STS: variants seen among roughly 807,000 people sequenced by gnomAD.
STS encodes steryl-sulfatase.
A neutral mutation model predicts 26.8 loss-of-function variants in STS; 7 were observed. That is an observed-to-expected ratio of 0.26 (90% confidence interval 0.15 to 0.49). The LOEUF is 0.49. Among genes scored for constraint, STS ranks in the 20% least tolerant of loss-of-function variants. The pLI, the probability that STS is intolerant of heterozygous loss-of-function variation, is 0.98. For synonymous variants in STS, 199 were observed against 189.4 expected, an observed-to-expected ratio of 1.05 and a Z score of -0.42; for missense variants, 434 against 465.6, an observed-to-expected ratio of 0.93 and a Z score of 0.63.
At position 7,351,904 on chromosome X, in the gene STS, C is replaced by A; in HGVS notation, c.*1643C>A. ...TTCCCCAGTTGCCCTTTAAGTTCTT[C>A]TATTTCAAACGTTAATTTTGCTTCT... is the stretch of plus-strand genomic sequence containing the variant. On this transcript the variant is annotated 3_prime_UTR_variant, in exon 11 of 11. Coordinates refer to ENST00000674429, the MANE Select transcript of STS (RefSeq NM_001320752.2). 9.9e-6 allele frequency: 1 copy of A among 101,168 alleles called. No individual in the cohort carries two copies. The highest frequency in any genetic ancestry group is 4.6e-4 in the South Asian group (1 of 2,159). The allele number at this position is 101,168 out of a possible 1,213,427, so 8.3% of individuals were successfully genotyped here.
chrX:7,300,064 G>T (rs1313093766), intron 7 of STS, among the ~76,000 whole-genome samples: 6 of 111,668 alleles, frequency 5.4e-5, no homozygotes, highest in African/African-American at 2.0e-4. Context: ...TAGAATTTAG[G>T]CTTCCTCTGC....
intron 8 of STS, among the ~76,000 whole-genome samples, chrX:7,313,874 A>G (rs1204659086): frequency 3.6e-5 from 4 of 112,121 alleles, no homozygotes; most frequent in African/African-American, 1.3e-4. Context: ...ATGTACTGGT[A>G]AGGGAACTGT....
intron 1 of STS, chrX:7,148,334 C>G (rs779703703): frequency 1.0e-3 from 260 of 254,025 alleles, no homozygotes; most frequent in Admixed American, 2.6e-3. Flanking sequence ...GCTGCAGACC[C>G]GGGATGCGGC....
intron 6 of STS, among the ~76,000 whole-genome samples, chrX:7,275,220 G>A (rs1924471334): frequency 9.0e-6 from 1 of 111,520 alleles, no homozygotes. Flanking sequence ...GTTTGGGGAT[G>A]TATTGCATTA....
chrX:7,261,002 G>T (rs762435502), intron 6 of STS, among the ~76,000 whole-genome samples: 5 of 110,497 alleles, frequency 4.5e-5, no homozygotes, highest in African/African-American at 1.3e-4. Flanking sequence ...ACATAGGTAG[G>T]TATAATATAT....
At chrX:7,203,680 A>G (rs1934117113) in intron 2 of STS, among the ~76,000 whole-genome samples, 1 of 111,761 alleles carries the variant, frequency 8.9e-6, no homozygotes. Flanking sequence ...GCTCCCTGCA[A>G]ACTAATCCCA....
chrX:7,350,796 G>T lies in STS; in HGVS notation c.*535G>T. The stretch of plus-strand genomic sequence containing the variant: ...ATCTTCTTTAGGAATAATAGATGAT[G>T]GTAAGTTCCACTTTGGTTATTGGAA... On this transcript the variant is annotated 3_prime_UTR_variant, in exon 11 of 11. Coordinates refer to ENST00000674429, the MANE Select transcript of STS (RefSeq NM_001320752.2). 1 of 116,209 alleles carries T rather than the reference G, an allele frequency of 8.6e-6. No homozygotes were observed. Among genetic ancestry groups the T allele is most frequent in the Non-Finnish European group, 1.8e-5 (1 of 55,180 alleles). The allele number at this position is 116,209 out of a possible 1,213,427, so 9.6% of individuals were successfully genotyped here.
At chrX:7,228,456 T>C (rs1028149622) in intron 2 of STS, among the ~76,000 whole-genome samples, 6 of 112,051 alleles carry the variant, frequency 5.4e-5, no homozygotes, top group Non-Finnish European at 1.1e-4. Context: ...TGTGTGGGTT[T>C]GAGTTGCATT....
chrX:7,334,271 C>T (rs1356809201), intron 10 of STS, among the ~76,000 whole-genome samples, 164 bp downstream of exon 10: 2 of 111,370 alleles, frequency 1.8e-5, no homozygotes, highest in Non-Finnish European at 3.8e-5. Flanking sequence ...CTCCTCCTCT[C>T]TTTTCGTTCT....
intron 2 of STS, among the ~76,000 whole-genome samples, chrX:7,194,870 A>C (rs1292889657): frequency 1.1e-4 from 12 of 111,631 alleles, no homozygotes; most frequent in Non-Finnish European, 1.7e-4. Flanking sequence ...AATAGAGTAT[A>C]CTCACACAAA....
intron 2 of STS, among the ~76,000 whole-genome samples, chrX:7,225,680 G>A (rs1385254999): frequency 2.7e-5 from 3 of 111,796 alleles, no homozygotes; most frequent in African/African-American, 9.8e-5. Context: ...GGCAGAGTGA[G>A]CCATTCTTGT....
intron 6 of STS, among the ~76,000 whole-genome samples, chrX:7,274,672 C>T (rs1924445077): frequency 8.9e-6 from 1 of 112,160 alleles, no homozygotes; most frequent in South Asian, 3.7e-4. Context: ...TGACTTATAA[C>T]TCTTGAGTAT....
At chrX:7,257,169 G>C in intron 3 of STS, 73 bp from the exon 4 acceptor site, 2 of 1,174,400 alleles carry the variant, frequency 1.7e-6, no homozygotes, top group Middle Eastern at 3.3e-4. Context: ...GACAGAGTGA[G>C]ATCCTGTCTC....
rs1324628395 is a variant in STS, at chrX:7,349,754, A to G, written c.1364-134A>G. The G allele has an allele frequency of 2.3e-5, 21 of 907,052 alleles. No individual in the cohort carries two copies. In the African/African-American group the frequency reaches 4.1e-4, roughly 18 times the overall value. 74.8% of individuals were successfully genotyped at this position (907,052 alleles called of 1,213,427 possible). ...CATAATCTTTCCTGTACATATTAAC[A>G]TTGTGTCTGCAGCCTTATGATATCT... On this transcript the variant is annotated intron_variant, in intron 10 of 10. Coordinates refer to ENST00000674429, the MANE Select transcript of STS (RefSeq NM_001320752.2).
chrX:7,343,825 A>G (rs1325520769), intron 10 of STS, among the ~76,000 whole-genome samples: 2 of 112,212 alleles, frequency 1.8e-5, no homozygotes, highest in African/African-American at 6.5e-5. Context: ...AAGAAAGGCA[A>G]ATGCTCTTTT....
chrX:7,205,885 G>C (rs749415413), intron 2 of STS, among the ~76,000 whole-genome samples: 6 of 107,171 alleles, frequency 5.6e-5, no homozygotes, highest in Non-Finnish European at 9.6e-5. Context: ...CAACATGCTG[G>C]GATTACAGGT....
At chrX:7,176,296 G>C (rs1249177787) in intron 1 of STS, among the ~76,000 whole-genome samples, 1 of 111,686 alleles carries the variant, frequency 9.0e-6, no homozygotes, top group Non-Finnish European at 1.9e-5. Context: ...GCCAGTGAGA[G>C]GAATGCCTTT....
At chrX:7,289,736 G>A (rs1195842864) in intron 7 of STS, among the ~76,000 whole-genome samples, 1 of 111,347 alleles carries the variant, frequency 9.0e-6, no homozygotes, top group Non-Finnish European at 1.9e-5. Context: ...TCGGCTCACT[G>A]CAGCTTCAAG....
At position 7,354,109 on chromosome X, in the gene STS, A is replaced by G. The variant is rs1928911983; in HGVS notation, c.*3848A>G. ...TAGCAAGAACACCTAACCCCCCCATATCTGTTCAACCTCAGTATCTGATCA... is the reference window on the plus strand; with the variant it reads ...TAGCAAGAACACCTAACCCCCCCATGTCTGTTCAACCTCAGTATCTGATCA... On this transcript the variant is annotated 3_prime_UTR_variant, in exon 11 of 11. Transcript: ENST00000674429. 9.0e-6 allele frequency: 1 copy of G among 111,111 alleles called. No homozygotes were observed. The highest frequency in any genetic ancestry group is 1.9e-5 in the Non-Finnish European group (1 of 53,009). 9.2% of individuals were successfully genotyped at this position (111,111 alleles called of 1,213,427 possible).
Sources: gnomAD v4.1 joint callset for allele counts (sites outside exome capture counted in the v4.1 genomes callset) on GRCh38, gnomAD v4.1.1 for gene constraint, MANE v1.5 for transcripts, NCBI Gene and HGNC (gene_info 2026-07-23, HGNC 2026-07-21) for gene names.